Variants in SULT1E1 observed in about 807,000 individuals in gnomAD.
SULT1E1 encodes sulfotransferase family 1E member 1, also known as sulfotransferase 1E1.
Under a neutral mutation model 33.6 loss-of-function variants are expected in SULT1E1, and 36 were observed. The ratio of observed to expected loss-of-function variants is 1.07; its 90% CI spans 0.82 to 1.41. The LOEUF (loss-of-function observed/expected upper bound fraction) is 1.41. Ranked by LOEUF, SULT1E1 falls within the 40% of genes most tolerant of loss-of-function variation. SULT1E1 has a pLI of 0.00. For synonymous variants in SULT1E1, 121 were observed against 111.7 expected (o/e 1.08, Z -0.53); for missense variants, 371 against 345.7 (o/e 1.07, Z -0.58).
downstream of SULT1E1, among the ~76,000 whole-genome samples, chr4:69,836,823 T>C (rs887273254): frequency 3.9e-5 from 6 of 152,236 alleles, no homozygotes; most frequent in Admixed American, 6.5e-5. Context: ...CATGATGATA[T>C]GGTTTTATCT....
chr4:69,843,182 A>C (rs1330254427), intron 7 of SULT1E1, among the ~76,000 whole-genome samples: 1 of 152,068 alleles, frequency 6.6e-6, no homozygotes, highest in East Asian at 1.9e-4. Flanking sequence ...CCTCTTGCTC[A>C]AGGAGCTCTA....
At chr4:69,821,902 G>T in the SULT1E1 span, among the ~76,000 whole-genome samples, 1 of 152,154 alleles carries the variant, frequency 6.6e-6, no homozygotes, top group Non-Finnish European at 1.5e-5. Context: ...ATTGAGGTTT[G>T]ATAATTAAAT....
intron 2 of SULT1E1, among the ~76,000 whole-genome samples, chr4:69,855,734 A>T (rs1218798546): frequency 6.6e-6 from 1 of 152,204 alleles, no homozygotes; most frequent in Admixed American, 6.5e-5. Flanking sequence ...ACATCTAAAA[A>T]GTAAGAAGAC....
At chr4:69,829,750 T>C in the SULT1E1 span, among the ~76,000 whole-genome samples, 1 of 152,230 alleles carries the variant, frequency 6.6e-6, no homozygotes, top group African/African-American at 2.4e-5. Flanking sequence ...AAAGGCCTTC[T>C]TTCTGAAACT....
chr4:69,831,075 G>T, the SULT1E1 span, among the ~76,000 whole-genome samples: 1 of 152,148 alleles, frequency 6.6e-6, no homozygotes, highest in Non-Finnish European at 1.5e-5. Flanking sequence ...CTCAGGTGAG[G>T]CTGGGAGCAT....
chr4:69,856,634 A>T (rs1455529380), intron 2 of SULT1E1, among the ~76,000 whole-genome samples: 2 of 152,128 alleles, frequency 1.3e-5, no homozygotes, highest in Admixed American at 1.3e-4. Context: ...GCAGATTTAG[A>T]GTCAAGATAA....
chr4:69,852,400 T>C (rs1721142987), intron 4 of SULT1E1, among the ~76,000 whole-genome samples: 1 of 152,224 alleles, frequency 6.6e-6, no homozygotes. Flanking sequence ...AACCAAATAC[T>C]GAATCTTGCC....
the SULT1E1 span, among the ~76,000 whole-genome samples, chr4:69,824,515 G>A: frequency 6.6e-6 from 1 of 152,154 alleles, no homozygotes; most frequent in Admixed American, 6.6e-5. Context: ...GTTTAGCCAT[G>A]AGCAAGAAAT....
chr4:69,854,681 C>T (rs899192551), intron 3 of SULT1E1, among the ~76,000 whole-genome samples: 5 of 151,806 alleles, frequency 3.3e-5, no homozygotes, highest in Admixed American at 6.6e-5. Context: ...ATTTCATCAC[C>T]TGAGAGATAT....
the SULT1E1 span, among the ~76,000 whole-genome samples, chr4:69,833,818 T>C: frequency 6.6e-6 from 1 of 152,188 alleles, no homozygotes; most frequent in Non-Finnish European, 1.5e-5. Flanking sequence ...ACATTGATTC[T>C]TCTCCCACCA....
At chr4:69,840,065 T>A (rs1375107904), downstream of SULT1E1, among the ~76,000 whole-genome samples, 1 of 152,168 alleles carries the variant, frequency 6.6e-6, no homozygotes, top group Non-Finnish European at 1.5e-5. Context: ...TTTTAAAAAT[T>A]ATGACTAAAT....
chr4:69,847,697 C>T lies in SULT1E1; in HGVS notation c.591+1G>A. 6.3e-7 allele frequency: 1 copy of T among 1,593,564 alleles called. No homozygotes were observed. The highest frequency in any genetic ancestry group is 8.6e-7 in the Non-Finnish European group (1 of 1,168,110). ...TTGCTTATGTGTTCCCAGTTCCTCA[C>T]CTCTTTCAGGTCTTCGTAGAAAAGA... On this transcript the variant is annotated splice_donor_variant, in intron 6 of 7. Coordinates refer to ENST00000226444, the MANE Select transcript of SULT1E1 (RefSeq NM_005420.3). LOFTEE classifies it high-confidence loss of function.
chr4:69,827,508 C>T, the SULT1E1 span, among the ~76,000 whole-genome samples: 2 of 152,080 alleles, frequency 1.3e-5, no homozygotes, highest in East Asian at 3.9e-4. Flanking sequence ...GGAAGAAAAT[C>T]CTTCTGCCTT....
intron 7 of SULT1E1, among the ~76,000 whole-genome samples, chr4:69,842,830 CTT>C (rs902824927): frequency 6.9e-6 from 1 of 144,580 alleles, no homozygotes; most frequent in Non-Finnish European, 1.5e-5. Flanking sequence ...AGGAATTCAT[CTT>C]TTTTTTTTTT....
chr4:69,834,558 C>A, the SULT1E1 span, among the ~76,000 whole-genome samples: 2 of 152,086 alleles, frequency 1.3e-5, no homozygotes, highest in South Asian at 2.1e-4. Context: ...ACTGCTTTAT[C>A]CATTTCTTCT....
chr4:69,829,571 C>T, the SULT1E1 span, among the ~76,000 whole-genome samples: 3 of 152,182 alleles, frequency 2.0e-5, no homozygotes, highest in Non-Finnish European at 4.4e-5. Flanking sequence ...ACACCATAGC[C>T]TATGGGTGAG....
chr4:69,846,577 T>G (rs889010702), intron 6 of SULT1E1, among the ~76,000 whole-genome samples: 1 of 151,590 alleles, frequency 6.6e-6, no homozygotes, highest in African/African-American at 2.4e-5. Flanking sequence ...ACTATGAAAA[T>G]TATTGAATAT....
the SULT1E1 span, among the ~76,000 whole-genome samples, chr4:69,823,495 T>C: frequency 6.6e-6 from 1 of 152,144 alleles, no homozygotes; most frequent in Admixed American, 6.5e-5. Context: ...CAGCCCACTT[T>C]GCCTTTGTGT....
chr4:69,842,012 C>T lies in SULT1E1; in HGVS notation c.867G>A (p.Lys289=), dbSNP rs762488505. 6.2e-7 allele frequency: 1 copy of T among 1,605,534 alleles called. No homozygotes were observed. The highest frequency in any genetic ancestry group is 1.3e-5 in the African/African-American group (1 of 74,764). Residue 289 remains lysine, a synonymous_variant, in exon 8 of 8, where the codon AAG becomes AAA. Transcript: ENST00000226444. ...YEQQMKESTL[K]FRTEI The stretch of plus-strand genomic sequence containing the variant: ...GACCTTCTTAGATCTCAGTTCGAAA[C>T]TTCAGTGTAGATTCCTTCATTTGCT...
Sources: gnomAD v4.1 joint callset for allele counts (sites outside exome capture counted in the v4.1 genomes callset) on GRCh38, gnomAD v4.1.1 for gene constraint, MANE v1.5 for transcripts, NCBI Gene and HGNC (gene_info 2026-07-23, HGNC 2026-07-21) for gene names.